The following TCF20 variants were observed in gnomAD, a reference collection of about 807,000 sequenced individuals.
The protein encoded by TCF20 is SPRE-binding protein.
In TCF20, 3 loss-of-function variants were observed where a neutral mutation model predicts 148.6. The observed-to-expected ratio is 0.02, with a 90% CI of 0.01 to 0.05. TCF20 has a LOEUF of 0.05. Ranked by LOEUF, TCF20 falls within the 10% of genes least tolerant of loss-of-function variation. The pLI is 1.00. For synonymous variants in TCF20, 1,049 were observed against 909.5 expected, an observed-to-expected ratio of 1.15 and a Z score of -2.76; for missense variants, 2,350 against 2,429.3, an observed-to-expected ratio of 0.97 and a Z score of 0.69.
At chr22:42,200,779 C>T (rs1026147839) in intron 2 of TCF20, among the ~76,000 whole-genome samples, 1 of 152,176 alleles carries the variant, frequency 6.6e-6, no homozygotes, top group Non-Finnish European at 1.5e-5. Flanking sequence ...CACAGCCTCT[C>T]GAATGACCTG....
At chr22:42,199,492 G>GT (rs1238531311) in intron 2 of TCF20, among the ~76,000 whole-genome samples, 1 of 152,088 alleles carries the variant, frequency 6.6e-6, no homozygotes, top group Non-Finnish European at 1.5e-5. Context: ...CCATAAAAAT[G>GT]TTTGACATGT....
intron 2 of TCF20, among the ~76,000 whole-genome samples, chr22:42,189,629 A>C (rs1010185982): frequency 6.6e-6 from 1 of 152,224 alleles, no homozygotes; most frequent in Non-Finnish European, 1.5e-5. Context: ...GTAAGACACG[A>C]GGAAGAGACT....
At chr22:42,226,330 A>G (rs1922890827) in intron 1 of TCF20, among the ~76,000 whole-genome samples, 1 of 152,232 alleles carries the variant, frequency 6.6e-6, no homozygotes, top group Non-Finnish European at 1.5e-5. Flanking sequence ...ATAATTTCTA[A>G]ACCTTCAGAG....
At chr22:42,180,195 G>A (rs1455280728) in intron 2 of TCF20, among the ~76,000 whole-genome samples, 1 of 152,168 alleles carries the variant, frequency 6.6e-6, no homozygotes, top group Non-Finnish European at 1.5e-5. Flanking sequence ...GTATTTGTAA[G>A]AAGATTTTAT....
At chr22:42,264,637 G>A (rs966467592) in intron 1 of TCF20, among the ~76,000 whole-genome samples, 1 of 152,182 alleles carries the variant, frequency 6.6e-6, no homozygotes, top group African/African-American at 2.4e-5. Flanking sequence ...TGCCCTACTG[G>A]CAGAAAAGGC....
At chr22:42,207,747 G>A (rs372662009) in intron 2 of TCF20, among the ~76,000 whole-genome samples, 13 of 152,234 alleles carry the variant, frequency 8.5e-5, no homozygotes, top group East Asian at 5.8e-4. Context: ...CCTGGGAAGC[G>A]GAGGTTGCGG....
chr22:42,282,753 TC>T (rs1926930198), intron 1 of TCF20, among the ~76,000 whole-genome samples: 1 of 152,110 alleles, frequency 6.6e-6, no homozygotes, highest in Non-Finnish European at 1.5e-5. Context: ...CCAGGCCTCC[TC>T]CGGGGTGAGC....
intron 1 of TCF20, among the ~76,000 whole-genome samples, chr22:42,289,579 G>A (rs1471224908): frequency 6.6e-6 from 1 of 152,234 alleles, no homozygotes; most frequent in Non-Finnish European, 1.5e-5. Context: ...CTGAGGCCCT[G>A]AAAGGTGGTG....
intron 1 of TCF20, among the ~76,000 whole-genome samples, chr22:42,245,196 T>TA (rs1924801181): frequency 6.6e-6 from 1 of 152,104 alleles, no homozygotes; most frequent in African/African-American, 2.4e-5. Context: ...TTATCTCCCT[T>TA]ACTCCTTTTT....
At chr22:42,208,608 A>C (rs529900116) in intron 2 of TCF20, among the ~76,000 whole-genome samples, 107 of 152,158 alleles carry the variant, frequency 7.0e-4, no homozygotes, top group African/African-American at 2.0e-3. Flanking sequence ...AAAACAAAAC[A>C]AAACCAAAAC....
intron 1 of TCF20, among the ~76,000 whole-genome samples, chr22:42,263,772 CATAG>C (rs1926143437): frequency 6.6e-6 from 1 of 152,158 alleles, no homozygotes; most frequent in Non-Finnish European, 1.5e-5. Context: ...ATTGGAACTA[CATAG>C]GCTTTTTCCT....
intron 1 of TCF20, among the ~76,000 whole-genome samples, chr22:42,266,899 T>C (rs1476429421): frequency 6.6e-6 from 1 of 152,256 alleles, no homozygotes; most frequent in Non-Finnish European, 1.5e-5. Context: ...CTTTGTAGAA[T>C]GAAAATTTTA....
intron 2 of TCF20, among the ~76,000 whole-genome samples, chr22:42,198,622 GA>G (rs1349179699): frequency 6.7e-6 from 1 of 150,268 alleles, no homozygotes; most frequent in Non-Finnish European, 1.5e-5. Flanking sequence ...ATGACAAGAA[GA>G]AAAAAGTCTG....
At chr22:42,312,153 G>A (rs755100931) in intron 1 of TCF20, among the ~76,000 whole-genome samples, 16 of 152,214 alleles carry the variant, frequency 1.1e-4, no homozygotes, top group Non-Finnish European at 2.4e-4. Context: ...AGCTACAGAA[G>A]AAGGGCACTC....
At chr22:42,225,986 C>T (rs147493955) in intron 1 of TCF20, among the ~76,000 whole-genome samples, 198 of 152,320 alleles carry the variant, frequency 1.3e-3, no homozygotes, top group Non-Finnish European at 2.2e-3. Context: ...AGGCTGCAAG[C>T]ATCCTATATC....
chr22:42,254,978 A>AG (rs1428973715), intron 1 of TCF20, among the ~76,000 whole-genome samples: 1 of 150,936 alleles, frequency 6.6e-6, no homozygotes, highest in African/African-American at 2.4e-5. Context: ...AAAAAAAAAA[A>AG]AGGTAGAGGA....
chr22:42,172,385 C>CA (rs1156536447), intron 3 of TCF20, among the ~76,000 whole-genome samples: 1 of 152,212 alleles, frequency 6.6e-6, no homozygotes, highest in Non-Finnish European at 1.5e-5. Flanking sequence ...GCCAGCCAGT[C>CA]AAGGTCTCTC....
chr22:42,186,535 A>G (rs1169009536), intron 2 of TCF20, among the ~76,000 whole-genome samples: 1 of 152,216 alleles, frequency 6.6e-6, no homozygotes, highest in Non-Finnish European at 1.5e-5. Flanking sequence ...TTTAAAGTTA[A>G]TTTTTTGTTA....
intron 1 of TCF20, among the ~76,000 whole-genome samples, chr22:42,226,750 A>G (rs1922939782): frequency 6.6e-6 from 1 of 152,184 alleles, no homozygotes; most frequent in Non-Finnish European, 1.5e-5. Flanking sequence ...ACAATTCTGA[A>G]TTAAAATTCA....
Sources: gnomAD v4.1 joint callset for allele counts (sites outside exome capture counted in the v4.1 genomes callset) on GRCh38, gnomAD v4.1.1 for gene constraint, MANE v1.5 for transcripts, NCBI Gene and HGNC (gene_info 2026-07-23, HGNC 2026-07-21) for gene names.